SMARCA1: variants seen among roughly 807,000 people sequenced by gnomAD.
SMARCA1 encodes the protein SWI/SNF-related matrix-associated actin-dependent regulator of chromatin subfamily A member 1.
Under a neutral mutation model 93.6 loss-of-function variants are expected in SMARCA1, and 17 were observed. The observed-to-expected ratio is 0.18, with a 90% CI of 0.12 to 0.27. The LOEUF is 0.27. Among genes scored for constraint, SMARCA1 ranks in the 10% least tolerant of loss-of-function variants. SMARCA1 has a pLI of 1.00. For synonymous variants in SMARCA1, 271 were observed against 271.4 expected (o/e 1.00, Z 0.01); for missense variants, 630 against 819.0 (o/e 0.77, Z 2.82).
In SMARCA1 at chrX:129,476,392, G is replaced by C. The variant is rs143105120; in HGVS notation, c.2442+4309C>G. On this transcript the variant is annotated intron_variant, in intron 19 of 24. Coordinates refer to ENST00000371121, the MANE Select transcript of SMARCA1 (RefSeq NM_001282874.2). ...GACCTTGTGCTGAATATGAGGGAGGGAAAGGGGGAGAAAAACAGAAAATAA... is the reference window on the plus strand; with the variant it reads ...GACCTTGTGCTGAATATGAGGGAGGCAAAGGGGGAGAAAAACAGAAAATAA... Among the ~76,000 whole-genome samples the C allele has an allele frequency of 1.8e-3, 198 of 111,792 alleles. 4 individuals carry two copies. The East Asian group carries it at 0.046, about 26-fold the overall frequency.
At chrX:129,491,190 T>C (rs749767124) in intron 14 of SMARCA1, among the ~76,000 whole-genome samples, 1 of 112,076 alleles carries the variant, frequency 8.9e-6, no homozygotes, top group Non-Finnish European at 1.9e-5. Flanking sequence ...CTCATTGGCA[T>C]ATGACTTTTC....
In SMARCA1 at chrX:129,508,110, A is replaced by T. The variant is rs763992735; in HGVS notation, c.811-14T>A. 3.9e-6 allele frequency: 4 copies of T among 1,021,256 alleles called. No individual in the cohort carries two copies. In the African/African-American group the frequency reaches 7.8e-5, roughly 20 times the overall value. The allele number at this position is 1,021,256 out of a possible 1,213,427, so 84.2% of individuals were successfully genotyped here. ...AATAAAAGCAGCCTAATGCAAAATA[A>T]AATACTTCATATTAGAATATATTTA... On this transcript the variant is annotated splice_polypyrimidine_tract_variant and intron_variant, in intron 6 of 24. Coordinates refer to ENST00000371121, the MANE Select transcript of SMARCA1 (RefSeq NM_001282874.2).
intron 14 of SMARCA1, among the ~76,000 whole-genome samples, chrX:129,491,226 A>G (rs750553909): frequency 8.9e-6 from 1 of 111,814 alleles, no homozygotes; most frequent in South Asian, 3.7e-4. Context: ...ACACTTATCC[A>G]TAGCTATATA....
rs1363598230 is a variant in SMARCA1, at chrX:129,465,917, A to G, written c.2744T>C (p.Ile915Thr). ...RCNELQDIEK[I>T]MAQIERGEAR... ...TTCTCCACGTTCAATTTGAGCCATAATTTTCTCAATGTCCTGTAATTCATT... is the reference window on the plus strand; with the variant it reads ...TTCTCCACGTTCAATTTGAGCCATAGTTTTCTCAATGTCCTGTAATTCATT... Residue 915 changes from isoleucine to threonine, a missense_variant, in exon 22 of 25, where the codon ATT becomes ACT. Physicochemically the swap from Ile to Thr is moderately conservative, Grantham distance 89. Around this residue, in one of 4 missense-constraint regions of SMARCA1, gnomAD observed 93 missense variants for 160.8 expected, o/e 0.58. Coordinates refer to ENST00000371121, the MANE Select transcript of SMARCA1 (RefSeq NM_001282874.2). 2 of 1,180,218 alleles carry G rather than the reference A, an allele frequency of 1.7e-6. No individual in the cohort carries two copies. Among genetic ancestry groups the G allele is most frequent in the Non-Finnish European group, 2.3e-6 (2 of 877,049 alleles).
intron 23 of SMARCA1, among the ~76,000 whole-genome samples, chrX:129,451,324 CTAAA>C (rs1188240376): frequency 9.0e-6 from 1 of 111,609 alleles, no homozygotes; most frequent in African/African-American, 3.3e-5. Context: ...TCTAGGGAGA[CTAAA>C]TAGAGTCTTT....
Position 129,487,151 on chromosome X carries a change from C to T in SMARCA1, c.2098-14G>A. 9.0e-7 allele frequency: 1 copy of T among 1,116,541 alleles called. No individual in the cohort carries two copies. 92.0% of individuals were successfully genotyped at this position (1,116,541 alleles called of 1,213,427 possible). A position where few individuals can be genotyped will look rare whatever the true frequency, so the allele number is the denominator to read the frequency against. The stretch of plus-strand genomic sequence containing the variant: ...CATCTCTGCAGTCTAAAGGTGAAAA[C>T]ATTGAAATGAGAAAATTATCACTGA... On this transcript the variant is annotated splice_polypyrimidine_tract_variant and intron_variant, in intron 16 of 24. Transcript: ENST00000371121.
intron 23 of SMARCA1, among the ~76,000 whole-genome samples, chrX:129,457,290 C>T (rs1003616069): frequency 1.3e-4 from 15 of 112,397 alleles, no homozygotes; most frequent in Non-Finnish European, 2.3e-4. Flanking sequence ...TTTATATGCA[C>T]TGAGAAACCA....
intron 17 of SMARCA1, among the ~76,000 whole-genome samples, chrX:129,483,328 T>C (rs987987677): frequency 8.9e-6 from 1 of 111,811 alleles, no homozygotes; most frequent in African/African-American, 3.2e-5. Context: ...AGAGGCTGCA[T>C]ATCTGTCTTG....
chrX:129,509,249 T>C (rs1934939322), intron 6 of SMARCA1, among the ~76,000 whole-genome samples: 1 of 110,771 alleles, frequency 9.0e-6, no homozygotes, highest in Admixed American at 9.7e-5. Context: ...AATTAACTGT[T>C]CCCTGCAAAG....
At chrX:129,473,004 A>G (rs996293004) in intron 19 of SMARCA1, among the ~76,000 whole-genome samples, 1 of 111,410 alleles carries the variant, frequency 9.0e-6, no homozygotes, top group Non-Finnish European at 1.9e-5. Flanking sequence ...ATCTAGGGAG[A>G]TGGAGAAGGA....
intron 17 of SMARCA1, among the ~76,000 whole-genome samples, chrX:129,482,605 T>C (rs1299593011): frequency 8.9e-6 from 1 of 112,022 alleles, no homozygotes; most frequent in Non-Finnish European, 1.9e-5. Context: ...CATATGATCA[T>C]ATATGTGAAA....
intron 23 of SMARCA1, 111 bp from the exon 24 acceptor site, chrX:129,448,554 AT>A: frequency 1.5e-6 from 1 of 659,186 alleles, no homozygotes; most frequent in Non-Finnish European, 2.3e-6. Context: ...CAAAACTGCT[AT>A]TTTTCAGGAC....
At chrX:129,504,310 G>T (rs900835940) in intron 9 of SMARCA1, among the ~76,000 whole-genome samples, 2 of 110,940 alleles carry the variant, frequency 1.8e-5, no homozygotes, top group Non-Finnish European at 3.8e-5. Context: ...GAAACAGAAT[G>T]GGTGGAGGAT....
In SMARCA1 at chrX:129,504,549, T is replaced by TAAAAAAAAAAAAAAAAA. The variant is rs780225300; in HGVS notation, c.1167+168_1167+184dup. On this transcript the variant is annotated intron_variant, in intron 9 of 24. Transcript: ENST00000371121. ...GAGAGAGGCTGAGGACATAGAGGAA[T>TAAAAAAAAAAAAAAAAA]AAAAAAAAAAAAAAAAAAAAAAAAA... Among the ~76,000 whole-genome samples, 31 of 24,203 alleles carry TAAAAAAAAAAAAAAAAA rather than the reference T, an allele frequency of 1.3e-3. 3 individuals carry two copies. The highest frequency in any genetic ancestry group is 4.3e-3 in the African/African-American group (30 of 7,005). The allele number at this position is 24,203 out of a possible 115,157, so 21.0% of individuals were successfully genotyped here. A position where few individuals can be genotyped will look rare whatever the true frequency, so the allele number is the denominator to read the frequency against.
At chrX:129,496,039 AT>A (rs1198309074) in intron 12 of SMARCA1, among the ~76,000 whole-genome samples, 1 of 104,474 alleles carries the variant, frequency 9.6e-6, no homozygotes, top group Non-Finnish European at 1.9e-5. Context: ...CAGAAGATAA[AT>A]TAGCAAAGCC....
chrX:129,487,782 T>C, intron 16 of SMARCA1, among the ~76,000 whole-genome samples: 1 of 112,662 alleles, frequency 8.9e-6, no homozygotes, highest in South Asian at 3.6e-4. Flanking sequence ...ATTTGCATTC[T>C]GATTTAAAAA....
intron 23 of SMARCA1, among the ~76,000 whole-genome samples, chrX:129,452,647 C>G (rs140670392): frequency 8.9e-6 from 1 of 112,269 alleles, no homozygotes; most frequent in East Asian, 2.8e-4. Flanking sequence ...ACACAGAACT[C>G]TTGTTCTGCA....
intron 17 of SMARCA1, among the ~76,000 whole-genome samples, chrX:129,482,881 G>T (rs956539737): frequency 9.0e-6 from 1 of 111,570 alleles, no homozygotes; most frequent in Non-Finnish European, 1.9e-5. Flanking sequence ...CACTCTACTT[G>T]ATCTAATCTA....
chrX:129,503,123 A>G (rs1286822137), intron 9 of SMARCA1, among the ~76,000 whole-genome samples: 2 of 112,170 alleles, frequency 1.8e-5, no homozygotes, highest in Admixed American at 1.9e-4. Context: ...GAAGGAGGGC[A>G]GGAGATACCT....
Sources: gnomAD v4.1 joint callset for allele counts (sites outside exome capture counted in the v4.1 genomes callset) on GRCh38, gnomAD v4.1.1 for gene constraint, gnomAD v4.1.1 regional missense constraint, MANE v1.5 for transcripts, NCBI Gene and HGNC (gene_info 2026-07-23, HGNC 2026-07-21) for gene names.